Variants in CSMD3 observed in about 807,000 individuals in gnomAD.
The protein encoded by CSMD3 is CUB and sushi domain-containing protein 3.
In CSMD3, 177 loss-of-function variants were observed where a neutral mutation model predicts 435.2. The observed-to-expected ratio is 0.41, with a 90% CI of 0.36 to 0.46. The LOEUF is 0.46. Among genes scored for constraint, CSMD3 ranks in the 20% least tolerant of loss-of-function variants. The probability of loss-of-function intolerance (pLI) is 0.34; values close to 1 mark genes in which losing one functional copy is unlikely to be tolerated. For missense variants in CSMD3, 4,265 were observed against 4,504.6 expected (o/e 0.95, Z 1.52); for synonymous variants, 1,656 against 1,520.5 (o/e 1.09, Z -2.07).
At chr8:113,225,142 T>C (rs1236380883) in intron 3 of CSMD3, among the ~76,000 whole-genome samples, 1 of 151,378 alleles carries the variant, frequency 6.6e-6, no homozygotes, top group Non-Finnish European at 1.5e-5. Flanking sequence ...AAAGAAAACA[T>C]GGAAAGGCAG....
At chr8:113,404,442 A>G (rs1253770999) in intron 1 of CSMD3, among the ~76,000 whole-genome samples, 1 of 151,440 alleles carries the variant, frequency 6.6e-6, no homozygotes, top group Non-Finnish European at 1.5e-5. Flanking sequence ...CCTTGAAGTT[A>G]GGATATGTCT....
intron 5 of CSMD3, among the ~76,000 whole-genome samples, chr8:113,081,452 A>T (rs545823742): frequency 1.1e-4 from 17 of 152,168 alleles, no homozygotes; most frequent in Admixed American, 2.6e-4. Context: ...TAAGCAGAAG[A>T]TCCTCAGCAG....
At chr8:112,254,046 T>C (rs1815535650) in intron 63 of CSMD3, among the ~76,000 whole-genome samples, 1 of 152,034 alleles carries the variant, frequency 6.6e-6, no homozygotes, top group Non-Finnish European at 1.5e-5. Context: ...AATTTATTTT[T>C]ATGTTCCAGT....
At chr8:112,899,763 A>G (rs1336416987) in intron 10 of CSMD3, among the ~76,000 whole-genome samples, 1 of 147,356 alleles carries the variant, frequency 6.8e-6, no homozygotes, top group African/African-American at 2.5e-5. Flanking sequence ...TTTCTCAACA[A>G]TCTGGCAGTC....
intron 1 of CSMD3, among the ~76,000 whole-genome samples, chr8:113,372,260 A>G (rs973930278): frequency 6.6e-6 from 1 of 152,336 alleles, no homozygotes; most frequent in African/African-American, 2.4e-5. Context: ...ACATTTGCAC[A>G]AAGTCCATAG....
At chr8:112,313,761 A>G in intron 49 of CSMD3, 145 bp downstream of exon 49, 1 of 631,044 alleles carries the variant, frequency 1.6e-6, no homozygotes, top group Non-Finnish European at 2.8e-6. Flanking sequence ...TAGGAAATAG[A>G]GAGGTTACAT....
chr8:112,380,785 G>T (rs1202758300), intron 37 of CSMD3, among the ~76,000 whole-genome samples: 1 of 152,070 alleles, frequency 6.6e-6, no homozygotes, highest in African/African-American at 2.4e-5. Flanking sequence ...AGTATTCCGT[G>T]CACAAGCTAA....
intron 13 of CSMD3, among the ~76,000 whole-genome samples, chr8:112,715,650 A>T (rs1182835265): frequency 6.6e-6 from 1 of 152,196 alleles, no homozygotes; most frequent in African/African-American, 2.4e-5. Context: ...AATATCCCTG[A>T]TGAACATCGA....
chr8:112,839,552 GT>G (rs2080122255), intron 11 of CSMD3, among the ~76,000 whole-genome samples: 1 of 151,542 alleles, frequency 6.6e-6, no homozygotes, highest in African/African-American at 2.4e-5. Flanking sequence ...AATATTCTTG[GT>G]TTTAGGAGAC....
chr8:112,235,791 T>A (rs145419804), intron 67 of CSMD3, among the ~76,000 whole-genome samples: 1 of 152,242 alleles, frequency 6.6e-6, no homozygotes, highest in East Asian at 1.9e-4. Context: ...AAGTAATCGA[T>A]AATATTGCTG....
At chr8:113,366,391 T>C (rs2094311625) in intron 1 of CSMD3, among the ~76,000 whole-genome samples, 1 of 151,990 alleles carries the variant, frequency 6.6e-6, no homozygotes, top group Non-Finnish European at 1.5e-5. Context: ...TAAATTTCCA[T>C]GTTGATAAAT....
intron 22 of CSMD3, among the ~76,000 whole-genome samples, chr8:112,588,044 A>G (rs1480850276): frequency 3.3e-5 from 5 of 151,884 alleles, no homozygotes; most frequent in Admixed American, 1.3e-4. Flanking sequence ...AAAGAAAACA[A>G]TAAGTCCTTC....
intron 59 of CSMD3, among the ~76,000 whole-genome samples, chr8:112,270,359 T>TGTGTGTGTGTGTGTGTGTGTGAGGGGTGA (rs1817380907): frequency 4.6e-5 from 6 of 130,906 alleles, no homozygotes; most frequent in East Asian, 2.1e-4. Context: ...TGTGTGTGTG[T>TGTGTGTGTGTGTGTGTGTGTGAGGGGTGA]GTGTGTGTGT....
At chr8:113,372,807 G>A (rs1484244062) in intron 1 of CSMD3, among the ~76,000 whole-genome samples, 1 of 151,862 alleles carries the variant, frequency 6.6e-6, no homozygotes, top group East Asian at 1.9e-4. Context: ...GGTGGCGGGC[G>A]CCTGTAGTCC....
At chr8:113,258,845 C>T (rs1268895402) in intron 3 of CSMD3, among the ~76,000 whole-genome samples, 4 of 151,804 alleles carry the variant, frequency 2.6e-5, no homozygotes, top group Non-Finnish European at 4.4e-5. Context: ...AGGGATGAGA[C>T]GATAGTAGCT....
At chr8:112,478,233 A>G (rs1819265892) in intron 31 of CSMD3, among the ~76,000 whole-genome samples, 1 of 152,190 alleles carries the variant, frequency 6.6e-6, no homozygotes. Flanking sequence ...CTAATACACA[A>G]GGAGTGGGGT....
chr8:112,923,577 GAT>G (rs1461993584), intron 9 of CSMD3, among the ~76,000 whole-genome samples: 1 of 152,060 alleles, frequency 6.6e-6, no homozygotes, highest in Non-Finnish European at 1.5e-5. Context: ...CTCCTCGCAT[GAT>G]ATTTTATCCA....
chr8:113,214,793 A>G (rs1008217423), intron 3 of CSMD3, among the ~76,000 whole-genome samples: 1 of 151,872 alleles, frequency 6.6e-6, no homozygotes, highest in African/African-American at 2.4e-5. Flanking sequence ...ACAGAGAACA[A>G]TAAAATGTTA....
chr8:113,282,293 T>C (rs370782899), intron 2 of CSMD3, among the ~76,000 whole-genome samples: 1 of 151,904 alleles, frequency 6.6e-6, no homozygotes, highest in African/African-American at 2.4e-5. Flanking sequence ...ACTGTAACTG[T>C]TTGCTGATGA....
Sources: gnomAD v4.1 joint callset for allele counts (sites outside exome capture counted in the v4.1 genomes callset) on GRCh38, gnomAD v4.1.1 for gene constraint, MANE v1.5 for transcripts, NCBI Gene and HGNC (gene_info 2026-07-23, HGNC 2026-07-21) for gene names.